The following CELA2A variants were observed in gnomAD, a reference collection of about 807,000 sequenced individuals.
The protein encoded by CELA2A is chymotrypsin-like elastase family member 2A.
In CELA2A, 31 loss-of-function variants were observed where a neutral mutation model predicts 35.3. The observed-to-expected ratio is 0.88, with a 90% CI of 0.66 to 1.19. The LOEUF is 1.19. Among genes scored for constraint, CELA2A ranks in the 50% most tolerant of loss-of-function variants. The pLI, the probability that CELA2A is intolerant of heterozygous loss-of-function variation, is 0.00. For synonymous variants in CELA2A, 150 were observed against 149.8 expected, an observed-to-expected ratio of 1.00 and a Z score of -0.01; for missense variants, 330 against 352.9, an observed-to-expected ratio of 0.94 and a Z score of 0.52.
chr1:15,469,730 T>A (rs1708565721), intron 7 of CELA2A, among the ~76,000 whole-genome samples: 2 of 152,162 alleles, frequency 1.3e-5, no homozygotes, highest in Non-Finnish European at 2.9e-5. Context: ...TTTTTATATC[T>A]AAATTGGGAA....
Position 15,462,785 on chromosome 1 carries a change from G to A in CELA2A, c.280G>A (p.Glu94Lys), listed in dbSNP as rs1267042418. The change falls in exon 4 of 8, where the codon GAG (glutamate) becomes AAG (lysine). Residue 94 changes from glutamate (E) to lysine (K), a missense_variant. Transcript: ENST00000359621. ...GGGCCGGCACAACCTCTACGTTGCG[G>A]AGTCCGGCTCGCTGGCAGTCAGTGT... ...GLGRHNLYVA[E>K]SGSLAVSVSK... 2 of 1,614,016 alleles carry A rather than the reference G, an allele frequency of 1.2e-6. No homozygotes were observed. The highest frequency in any genetic ancestry group is 2.7e-5 in the African/African-American group (2 of 74,920).
chr1:15,461,447 G>GA (rs1708432372), intron 2 of CELA2A, 114 bp from the exon 3 acceptor site: 1 of 1,080,106 alleles, frequency 9.3e-7, no homozygotes, highest in Non-Finnish European at 1.4e-6. Context: ...GTGCACATGA[G>GA]GCGACTGCCT....
At chr1:15,462,410 GAA>G (rs2103302259) in intron 3 of CELA2A, among the ~76,000 whole-genome samples, 1 of 152,276 alleles carries the variant, frequency 6.6e-6, no homozygotes, top group Admixed American at 6.5e-5. Context: ...TGAAAGGTGG[GAA>G]AAATGTCCTT....
intron 5 of CELA2A, 26 bp downstream of exon 5, chr1:15,463,548 G>T: frequency 1.2e-6 from 2 of 1,612,728 alleles, no homozygotes; most frequent in South Asian, 2.2e-5. Flanking sequence ...GAGCCCCCAG[G>T]CCTGGGAGGG....
At chr1:15,470,863 G>A (rs1404200046) in intron 7 of CELA2A, among the ~76,000 whole-genome samples, 1 of 152,164 alleles carries the variant, frequency 6.6e-6, no homozygotes, top group Non-Finnish European at 1.5e-5. Flanking sequence ...TTACAGGCAT[G>A]AGCCACTGTG....
At chr1:15,463,277 C>A in intron 4 of CELA2A, 109 bp from the exon 5 acceptor site, 6 of 1,541,532 alleles carry the variant, frequency 3.9e-6, no homozygotes, top group Non-Finnish European at 4.4e-6. Context: ...GTCAGAGCAA[C>A]CTGGGGTAAC....
chr1:15,463,599 C>G (rs758485899), intron 5 of CELA2A, 77 bp downstream of exon 5: 15 of 1,599,854 alleles, frequency 9.4e-6, no homozygotes. Context: ...GCCGGGGCCT[C>G]TCACCTGTCA....
chr1:15,469,127 G>A (rs182635219), intron 7 of CELA2A, among the ~76,000 whole-genome samples: 36 of 151,994 alleles, frequency 2.4e-4, no homozygotes, highest in Admixed American at 1.5e-3. Context: ...GCAGTAACCC[G>A]AGTTCGCACC....
At chr1:15,465,923 A>AT in intron 5 of CELA2A, 76 bp from the exon 6 acceptor site, 4 of 1,544,384 alleles carry the variant, frequency 2.6e-6, no homozygotes, top group Non-Finnish European at 3.6e-6. Context: ...AACAGGGGAA[A>AT]CCTAAGACGG....
chr1:15,462,655 T>A lies in CELA2A; in HGVS notation c.228-78T>A, dbSNP rs1708451289. On this transcript the variant is annotated intron_variant, in intron 3 of 7. Coordinates refer to ENST00000359621, the MANE Select transcript of CELA2A (RefSeq NM_033440.3). ...ATCTAGTGGCTCACGCAGCAGCCAG[T>A]TACTTGGGTCTATCCCCAGCATTAT... 1.9e-6 allele frequency: 3 copies of A among 1,557,234 alleles called. No homozygotes were observed. The African/African-American group carries it at 4.1e-5, about 21-fold the overall frequency.
chr1:15,471,028 A>G (rs1708588190), intron 7 of CELA2A, among the ~76,000 whole-genome samples: 2 of 152,244 alleles, frequency 1.3e-5, no homozygotes, highest in South Asian at 2.1e-4. Flanking sequence ...TTAACACCTT[A>G]TCACATTTTA....
intron 7 of CELA2A, among the ~76,000 whole-genome samples, chr1:15,471,573 A>G (rs990072161): frequency 6.6e-6 from 1 of 152,092 alleles, no homozygotes; most frequent in African/African-American, 2.4e-5. Context: ...ACAAATAAAA[A>G]AAAAAACGTT....
intron 2 of CELA2A, among the ~76,000 whole-genome samples, chr1:15,458,234 G>A (rs1044702720): frequency 5.3e-5 from 8 of 152,094 alleles, no homozygotes; most frequent in Non-Finnish European, 1.2e-4. Context: ...AAGCAGAGCA[G>A]TAACTTTGAG....
intron 5 of CELA2A, among the ~76,000 whole-genome samples, 157 bp downstream of exon 5, chr1:15,463,679 A>C (rs1477856050): frequency 6.6e-6 from 1 of 152,140 alleles, no homozygotes; most frequent in African/African-American, 2.4e-5. Flanking sequence ...ATCAAATGTC[A>C]GCTCTCCCAC....
In CELA2A at chr1:15,467,401, C is replaced by T. The variant is rs1279310543; in HGVS notation, c.655C>T (p.Pro219Ser). 6.2e-7 allele frequency: 1 copy of T among 1,613,562 alleles called. No homozygotes were observed. Among genetic ancestry groups the T allele is most frequent in the Admixed American group, 1.7e-5 (1 of 60,030 alleles). The change falls in exon 7 of 8, where the codon CCA (proline) becomes TCA (serine). Residue 219 changes from proline (P) to serine (S), a missense_variant. By Grantham distance (74) the Pro-to-Ser change is moderately conservative. Transcript: ENST00000359621. ...ISSCNGDSGGPLNCQASDGRW... is the reference protein window; with the variant it reads ...ISSCNGDSGGSLNCQASDGRW... ...CCTTCCTCAGGGAGACTCTGGCGGG[C>T]CACTGAACTGTCAGGCGTCTGACGG...
intron 3 of CELA2A, 90 bp from the exon 4 acceptor site, chr1:15,462,643 C>A: frequency 6.6e-7 from 1 of 1,516,136 alleles, no homozygotes; most frequent in Non-Finnish European, 9.0e-7. Flanking sequence ...TAGTGGCTCA[C>A]GCAGCAGCCA....
At chr1:15,456,894 C>T (rs1708368249) in intron 1 of CELA2A, 101 bp downstream of exon 1, 1 of 1,456,260 alleles carries the variant, frequency 6.9e-7, no homozygotes. Flanking sequence ...ACCCCTACTG[C>T]ATTCAGACCT....
intron 4 of CELA2A, 188 bp downstream of exon 4, chr1:15,463,049 G>A: frequency 1.0e-6 from 1 of 987,006 alleles, no homozygotes; most frequent in East Asian, 2.5e-5. Context: ...ACCTGGGGAG[G>A]GTGAAGCAAA....
chr1:15,457,048 C>G, intron 1 of CELA2A, 38 bp from the exon 2 acceptor site: 1 of 1,576,320 alleles, frequency 6.3e-7, no homozygotes, highest in South Asian at 1.1e-5. Flanking sequence ...TTGTGTGGGT[C>G]GCTGCTTCCT....
Sources: allele counts gnomAD v4.1 joint callset (sites outside exome capture counted in the v4.1 genomes callset), GRCh38; gene constraint gnomAD v4.1.1; transcripts MANE v1.5; gene names NCBI Gene and HGNC (gene_info 2026-07-23, HGNC 2026-07-21).